ZFPM2: variants seen among roughly 807,000 people sequenced by gnomAD.
The protein encoded by ZFPM2 is zinc finger protein, FOG family member 2.
Under a neutral mutation model 98.6 loss-of-function variants are expected in ZFPM2, and 20 were observed. The ratio of observed to expected loss-of-function variants is 0.20; its 90% CI spans 0.14 to 0.29. The LOEUF (loss-of-function observed/expected upper bound fraction) is 0.29, where lower values mean the gene tolerates loss of function less well. ZFPM2 is among the 10% of genes least tolerant of loss of function. The pLI is 1.00. For synonymous variants in ZFPM2, 518 were observed against 502.7 expected (o/e 1.03, Z -0.41); for missense variants, 1,310 against 1,388.6 (o/e 0.94, Z 0.90).
intron 5 of ZFPM2, among the ~76,000 whole-genome samples, chr8:105,647,899 G>T (rs1468420068): frequency 2.6e-5 from 4 of 152,070 alleles, no homozygotes; most frequent in African/African-American, 9.7e-5. Context: ...ACCCAGTAAT[G>T]GGATGGCTGG....
rs1563546914 is a variant in ZFPM2, at chr8:105,746,654, A to ATTTTTTTTTTTT, written c.533-42064_533-42063insTTTTTTTTTTTT. The stretch of plus-strand genomic sequence containing the variant: ...TGCGTTTTCTTGTTCTGTTTTTAAA[A>ATTTTTTTTTTTT]ATTTTTTTTTTTTTTTTTTTTTTGG... On this transcript the variant is annotated intron_variant, in intron 5 of 7. Transcript: ENST00000407775. Among the ~76,000 whole-genome samples, 4 of 112,050 alleles carry ATTTTTTTTTTTT rather than the reference A, an allele frequency of 3.6e-5. 2 individuals carry two copies. The highest frequency in any genetic ancestry group is 3.7e-5 in the Non-Finnish European group (2 of 54,000). The allele number at this position is 112,050 out of a possible 152,430, so 73.5% of individuals were successfully genotyped here.
chr8:105,344,979 A>G (rs1390927827), intron 1 of ZFPM2, among the ~76,000 whole-genome samples: 1 of 152,178 alleles, frequency 6.6e-6, no homozygotes, highest in Non-Finnish European at 1.5e-5. Context: ...GAGCACTCAA[A>G]TCCAAGAAGA....
At chr8:105,656,958 A>C (rs1195175238) in intron 5 of ZFPM2, among the ~76,000 whole-genome samples, 1 of 152,052 alleles carries the variant, frequency 6.6e-6, no homozygotes, top group Non-Finnish European at 1.5e-5. Flanking sequence ...TGGATGAATA[A>C]ATGCATGCTT....
At position 105,803,239 on chromosome 8, in the gene ZFPM2, A is replaced by C. The variant is rs1292031128; in HGVS notation, c.3157A>C (p.Arg1053=). The change falls in exon 8 of 8, where the codon AGA becomes CGA. Residue 1053 remains arginine (R), a synonymous_variant. Transcript: ENST00000407775. ...IVNGGLKQDE[R]PAANPQQENI... ...GAATGGTGGACTGAAACAAGATGAG[A>C]GACCTGCTGCCAACCCACAGCAAGA... 2 of 1,607,192 alleles carry C rather than the reference A, an allele frequency of 1.2e-6. No individual in the cohort carries two copies. Among genetic ancestry groups the C allele is most frequent in the Admixed American group, 1.7e-5 (1 of 59,404 alleles).
chr8:105,662,896 A>T (rs1161726250), intron 5 of ZFPM2: 2 of 152,092 alleles, frequency 1.3e-5, no homozygotes, highest in Non-Finnish European at 2.9e-5. Flanking sequence ...TCCTCAGAGA[A>T]GAGTGTGCAT....
At chr8:105,324,631 C>T (rs1563603996) in intron 1 of ZFPM2, among the ~76,000 whole-genome samples, 2 of 151,848 alleles carry the variant, frequency 1.3e-5, no homozygotes, top group Admixed American at 1.3e-4. Context: ...TGTTCTTCCC[C>T]ATAACCAGGA....
intron 1 of ZFPM2, among the ~76,000 whole-genome samples, chr8:105,320,789 A>G (rs1812010966): frequency 6.6e-6 from 1 of 152,212 alleles, no homozygotes; most frequent in Admixed American, 6.5e-5. Flanking sequence ...CATTGAAACT[A>G]ATTGCTGATG....
intron 4 of ZFPM2, among the ~76,000 whole-genome samples, chr8:105,590,151 C>T (rs1328244474): frequency 6.6e-6 from 1 of 152,186 alleles, no homozygotes; most frequent in Non-Finnish European, 1.5e-5. Context: ...GGCTGAAACT[C>T]CAACAGGTAA....
chr8:105,601,261 A>C (rs931153282), intron 4 of ZFPM2, among the ~76,000 whole-genome samples: 17 of 152,116 alleles, frequency 1.1e-4, no homozygotes, highest in African/African-American at 4.1e-4. Flanking sequence ...ACAAGGTAAC[A>C]TATGAAAACA....
chr8:105,436,596 T>C (rs1472363678), intron 2 of ZFPM2, among the ~76,000 whole-genome samples: 1 of 152,014 alleles, frequency 6.6e-6, no homozygotes, highest in Admixed American at 6.6e-5. Flanking sequence ...TCAGATCACA[T>C]CCTGCTATCT....
intron 5 of ZFPM2, among the ~76,000 whole-genome samples, chr8:105,759,301 T>C (rs532256502): frequency 2.5e-4 from 38 of 152,228 alleles, no homozygotes; most frequent in African/African-American, 9.1e-4. Context: ...TTCACAGTAT[T>C]GCATGCCATA....
intron 5 of ZFPM2, among the ~76,000 whole-genome samples, chr8:105,775,272 C>T (rs1223762645): frequency 2.0e-5 from 3 of 151,912 alleles, no homozygotes; most frequent in African/African-American, 7.3e-5. Context: ...TAATTTATTC[C>T]TCTGCAGAGC....
intron 2 of ZFPM2, among the ~76,000 whole-genome samples, chr8:105,425,724 CT>C (rs1811893728): frequency 6.6e-6 from 1 of 152,164 alleles, no homozygotes; most frequent in African/African-American, 2.4e-5. Flanking sequence ...CATATTCCTC[CT>C]TGTTACCTGT....
intron 3 of ZFPM2, among the ~76,000 whole-genome samples, chr8:105,500,958 T>C (rs1813580831): frequency 6.6e-6 from 1 of 152,040 alleles, no homozygotes; most frequent in South Asian, 2.1e-4. Flanking sequence ...ATCTGTTTAC[T>C]TCTATAATGA....
chr8:105,373,167 C>T (rs147291467), intron 1 of ZFPM2, among the ~76,000 whole-genome samples: 16 of 152,240 alleles, frequency 1.1e-4, no homozygotes, highest in African/African-American at 2.2e-4. Context: ...TCGTGATTGG[C>T]GTTTTTCTTA....
intron 1 of ZFPM2, among the ~76,000 whole-genome samples, chr8:105,407,803 A>C (rs1183218551): frequency 6.6e-6 from 1 of 151,938 alleles, no homozygotes; most frequent in African/African-American, 2.4e-5. Flanking sequence ...TGACTCTTAC[A>C]GTTTAAGGGA....
At chr8:105,533,499 A>G (rs1196605494) in intron 3 of ZFPM2, among the ~76,000 whole-genome samples, 1 of 152,202 alleles carries the variant, frequency 6.6e-6, no homozygotes, top group Non-Finnish European at 1.5e-5. Flanking sequence ...CTATATAAAG[A>G]AAACATATAA....
chr8:105,575,614 G>C (rs1254633288), intron 4 of ZFPM2, among the ~76,000 whole-genome samples: 1 of 152,172 alleles, frequency 6.6e-6, no homozygotes, highest in Non-Finnish European at 1.5e-5. Flanking sequence ...GGTTCAAGAT[G>C]CTGTTTTAAG....
intron 5 of ZFPM2, among the ~76,000 whole-genome samples, chr8:105,638,462 C>CAA: frequency 6.6e-6 from 1 of 152,076 alleles, no homozygotes; most frequent in Non-Finnish European, 1.5e-5. Flanking sequence ...AAATTAAATT[C>CAA]CTGATGCCAC....
Sources: allele counts gnomAD v4.1 joint callset (sites outside exome capture counted in the v4.1 genomes callset), GRCh38; gene constraint gnomAD v4.1.1; transcripts MANE v1.5; gene names NCBI Gene and HGNC (gene_info 2026-07-23, HGNC 2026-07-21).